Variants in ABI2 observed in about 807,000 individuals in gnomAD.
ABI2 encodes abl interactor 2.
Under a neutral mutation model 59.2 loss-of-function variants are expected in ABI2, and 25 were observed. The observed-to-expected ratio is 0.42, with a 90% CI of 0.31 to 0.59. The LOEUF is 0.59. Among genes scored for constraint, ABI2 ranks in the 20% least tolerant of loss-of-function variants. The pLI is 0.14. For missense variants in ABI2, 545 were observed against 681.8 expected (o/e 0.80, Z 2.23); for synonymous variants, 213 against 235.5 (o/e 0.90, Z 0.87).
chr2:203,391,820 CAAAAA>C (rs1373761885), intron 5 of ABI2, among the ~76,000 whole-genome samples: 7 of 59,858 alleles, frequency 1.2e-4, no homozygotes, highest in Admixed American at 1.8e-4. Context: ...GCCCCTGTCT[CAAAAA>C]AAAAAAAAAA....
intron 1 of ABI2, among the ~76,000 whole-genome samples, chr2:203,348,206 A>G (rs2084979352): frequency 6.6e-6 from 1 of 152,298 alleles, no homozygotes; most frequent in Non-Finnish European, 1.5e-5. Flanking sequence ...GCGCCACTGC[A>G]CTGTAGCCTG....
intron 1 of ABI2, chr2:203,355,040 G>A (rs1341387768): frequency 3.9e-6 from 1 of 257,532 alleles, no homozygotes; most frequent in Non-Finnish European, 8.5e-6. Flanking sequence ...GATTGTTAAC[G>A]TTTTAGTCCT....
At chr2:203,396,652 C>T (rs1314578148) in intron 7 of ABI2, 133 bp from the exon 8 acceptor site, 1 of 969,714 alleles carries the variant, frequency 1.0e-6, no homozygotes, top group Non-Finnish European at 1.4e-6. Context: ...AAGTTTTATT[C>T]TTTTTTTCAA....
intron 1 of ABI2, among the ~76,000 whole-genome samples, chr2:203,346,839 T>C (rs747575696): frequency 2.0e-5 from 3 of 152,222 alleles, no homozygotes; most frequent in Non-Finnish European, 4.4e-5. Flanking sequence ...CTTTATCTTA[T>C]CTTATATTCT....
Position 203,419,672 on chromosome 2 carries a change from C to T in ABI2, c.1453+2591C>T, listed in dbSNP as rs573026443. On this transcript the variant is annotated intron_variant, in intron 11 of 11. Transcript: ENST00000261018. ...GATTACAGGCGTGAGCCACTGCGCC[C>T]AGCCTGTGCTTTGTATTTTATGTGG... 5.9e-5 allele frequency among the ~76,000 whole-genome samples: 9 copies of T among 152,144 alleles called. No individual in the cohort carries two copies. In the East Asian group the frequency reaches 1.6e-3, roughly 26 times the overall value.
At chr2:203,392,209 T>G (rs934411599) in intron 5 of ABI2, among the ~76,000 whole-genome samples, 1 of 152,134 alleles carries the variant, frequency 6.6e-6, no homozygotes. Context: ...CCATTGGCTT[T>G]ATGATATATG....
rs2097917623 is a variant in ABI2, at chr2:203,416,965, C to A, written c.1337C>A (p.Pro446His). 6.2e-7 allele frequency: 1 copy of A among 1,614,100 alleles called. No individual in the cohort carries two copies. ...GAAGAACCAGTCTTTGATGAGTCTC[C>A]CCCACCTCCTCCTCCTCCAGAAGAT... The part of the protein sequence containing the change: ...PVEEPVFDES[P>H]PPPPPPEDYE... The change falls in exon 11 of 12, where the codon CCC (proline) becomes CAC (histidine). Residue 446 changes from proline to histidine, a missense_variant. Transcript: ENST00000261018.
intron 4 of ABI2, among the ~76,000 whole-genome samples, chr2:203,389,085 T>C (rs2096644502): frequency 6.6e-6 from 1 of 152,214 alleles, no homozygotes; most frequent in South Asian, 2.1e-4. Context: ...TATGCAGTTT[T>C]AAAAGCTATT....
intron 5 of ABI2, among the ~76,000 whole-genome samples, chr2:203,393,330 C>T (rs2096845002): frequency 6.6e-6 from 1 of 152,248 alleles, no homozygotes; most frequent in Admixed American, 6.5e-5. Flanking sequence ...GCTGGGATTA[C>T]AGGCATGAGC....
intron 9 of ABI2, 37 bp from the exon 10 acceptor site, chr2:203,411,248 T>C: frequency 6.7e-7 from 1 of 1,497,156 alleles, no homozygotes. Flanking sequence ...TAACTCGCCC[T>C]TATCCCTTAT....
rs1187569449 is a variant in ABI2, at chr2:203,380,391, A to G, written c.462+7A>G. ...TATTGGACATGGAGTAAAGGTAGGTATAATTTTTTTCAAGCTTTTAAAAGT... is the reference window on the plus strand; with the variant it reads ...TATTGGACATGGAGTAAAGGTAGGTGTAATTTTTTTCAAGCTTTTAAAAGT... On this transcript the variant is annotated splice_region_variant and intron_variant, in intron 3 of 11. Coordinates refer to ENST00000261018, the MANE Select transcript of ABI2 (RefSeq NM_001375670.1). 2.6e-6 allele frequency: 4 copies of G among 1,511,250 alleles called. No homozygotes were observed. The highest frequency in any genetic ancestry group is 3.5e-6 in the Non-Finnish European group (4 of 1,132,644). The allele number at this position is 1,511,250 out of a possible 1,614,324, so 93.6% of individuals were successfully genotyped here.
At chr2:203,408,925 G>A (rs1053931610) in intron 9 of ABI2, among the ~76,000 whole-genome samples, 2 of 128,066 alleles carry the variant, frequency 1.6e-5, no homozygotes, top group African/African-American at 2.8e-5. Context: ...TGCAAGCTCC[G>A]CTTCCCGGGT....
rs764043362 is a variant in ABI2 at position 203,391,110 on chromosome 2, C to T, written c.545C>T (p.Pro182Leu). 2 of 1,613,756 alleles carry T rather than the reference C, an allele frequency of 1.2e-6. No homozygotes were observed. The highest frequency in any genetic ancestry group is 8.5e-7 in the Non-Finnish European group (1 of 1,179,840). Residue 182 changes from proline (P) to leucine (L), a missense_variant, in exon 5 of 12, where the codon CCT (proline) becomes CTT (leucine). Pro to Leu is a moderately conservative substitution (Grantham distance 98, BLOSUM62 -3). Transcript: ENST00000261018. ...ACAACACCTCCAACTCAGAAGCCCC[C>T]TAGTCCCCCTATGTCAGGGAAAGGG... is the stretch of plus-strand genomic sequence containing the variant. ...PRTTPPTQKP[P>L]SPPMSGKGTL...
chr2:203,357,752 T>G (rs1273211119), intron 1 of ABI2, among the ~76,000 whole-genome samples: 2 of 95,558 alleles, frequency 2.1e-5, no homozygotes, highest in Non-Finnish European at 5.0e-5. Flanking sequence ...ATTTGGTTTT[T>G]GGGGTTTTTT....
intron 4 of ABI2, 62 bp downstream of exon 4, chr2:203,382,268 A>G: frequency 7.4e-7 from 1 of 1,355,888 alleles, no homozygotes; most frequent in Non-Finnish European, 9.9e-7. Context: ...ACATATGGGG[A>G]GTTAAAGAGA....
At chr2:203,407,154 C>T (rs2097460442) in intron 9 of ABI2, among the ~76,000 whole-genome samples, 1 of 152,136 alleles carries the variant, frequency 6.6e-6, no homozygotes, top group Non-Finnish European at 1.5e-5. Flanking sequence ...CAGTTCTAAT[C>T]CTAGTCATTT....
At position 203,351,193 on chromosome 2, in the gene ABI2, A is replaced by G. The variant is rs566023614; in HGVS notation, c.118-15684A>G. On this transcript the variant is annotated intron_variant, in intron 1 of 11. Transcript: ENST00000261018. ...GTTTTATTTCTGGACTCTGAATTCC[A>G]TTGATCTATATGTCTATCTGTATGC... is the stretch of plus-strand genomic sequence containing the variant. 1.3e-3 allele frequency among the ~76,000 whole-genome samples: 199 copies of G among 152,236 alleles called. 1 individual carries two copies. The highest frequency in any genetic ancestry group is 4.2e-3 in the Admixed American group (65 of 15,296).
chr2:203,408,929 C>T (rs1324903295), intron 9 of ABI2, among the ~76,000 whole-genome samples: 1 of 138,758 alleles, frequency 7.2e-6, no homozygotes, highest in Non-Finnish European at 1.6e-5. Flanking sequence ...AGCTCCGCTT[C>T]CCGGGTTCAC....
chr2:203,335,689 A>AT (rs1489271645), intron 1 of ABI2, among the ~76,000 whole-genome samples: 1 of 152,214 alleles, frequency 6.6e-6, no homozygotes, highest in African/African-American at 2.4e-5. Flanking sequence ...TGCATAATTC[A>AT]TGCAAGGAAC....
Sources: gnomAD v4.1 joint callset for allele counts (sites outside exome capture counted in the v4.1 genomes callset) on GRCh38, gnomAD v4.1.1 for gene constraint, MANE v1.5 for transcripts, NCBI Gene and HGNC (gene_info 2026-07-23, HGNC 2026-07-21) for gene names.